IL1RAPL2: variants seen among roughly 807,000 people sequenced by gnomAD.
IL1RAPL2 encodes interleukin 1 receptor accessory protein like 2.
A neutral mutation model predicts 44.1 loss-of-function variants in IL1RAPL2; 3 were observed. The ratio of observed to expected loss-of-function variants is 0.07; its 90% CI spans 0.03 to 0.18. The LOEUF is 0.18. IL1RAPL2 is among the 10% of genes least tolerant of loss of function. The pLI is 1.00. For missense variants in IL1RAPL2, 391 were observed against 496.4 expected, an observed-to-expected ratio of 0.79 and a Z score of 2.02; for synonymous variants, 181 against 178.8, an observed-to-expected ratio of 1.01 and a Z score of -0.10.
At chrX:105,535,304 A>G (rs1483384725) in intron 6 of IL1RAPL2, among the ~76,000 whole-genome samples, 1 of 111,894 alleles carries the variant, frequency 8.9e-6, no homozygotes. Context: ...AACTGACAAT[A>G]CTGAGTGCTA....
intron 2 of IL1RAPL2, among the ~76,000 whole-genome samples, chrX:104,977,689 A>G (rs1165630099): frequency 8.9e-6 from 1 of 112,023 alleles, no homozygotes; most frequent in Non-Finnish European, 1.9e-5. Context: ...ATTCAAGGGC[A>G]AGCTGGTGGT....
chrX:105,029,615 T>A (rs2031445818), intron 2 of IL1RAPL2, among the ~76,000 whole-genome samples: 1 of 109,414 alleles, frequency 9.1e-6, no homozygotes, highest in Admixed American at 9.8e-5. Flanking sequence ...TATTCCATGG[T>A]GTATATATGC....
At chrX:105,053,322 C>T (rs1302190130) in intron 2 of IL1RAPL2, among the ~76,000 whole-genome samples, 1 of 111,320 alleles carries the variant, frequency 9.0e-6, no homozygotes, top group African/African-American at 3.3e-5. Flanking sequence ...TGTACAACCC[C>T]AAATTAATTG....
At chrX:104,874,279 C>CT (rs1922844945) in intron 2 of IL1RAPL2, among the ~76,000 whole-genome samples, 2 of 76,319 alleles carry the variant, frequency 2.6e-5, no homozygotes, top group African/African-American at 5.1e-5. Context: ...TGTCTGTATT[C>CT]CTCTCTCTCT....
At chrX:105,148,196 T>A (rs948062102) in intron 2 of IL1RAPL2, among the ~76,000 whole-genome samples, 4 of 111,159 alleles carry the variant, frequency 3.6e-5, no homozygotes, top group African/African-American at 1.3e-4. Flanking sequence ...AGGAAGCTAT[T>A]TTTTTTTCTC....
chrX:104,933,223 C>T (rs1044684949), intron 2 of IL1RAPL2, among the ~76,000 whole-genome samples: 2 of 111,063 alleles, frequency 1.8e-5, no homozygotes, highest in Non-Finnish European at 3.8e-5. Flanking sequence ...ACCTATGTAA[C>T]AAACCTGCAT....
chrX:105,495,896 C>T (rs748743899), intron 6 of IL1RAPL2, among the ~76,000 whole-genome samples: 1 of 111,663 alleles, frequency 9.0e-6, no homozygotes, highest in Admixed American at 9.5e-5. Context: ...CAGGCCATGA[C>T]AGGAAGGGAG....
At chrX:104,591,497 G>A (rs1347339659) in intron 1 of IL1RAPL2, among the ~76,000 whole-genome samples, 1 of 111,691 alleles carries the variant, frequency 9.0e-6, no homozygotes, top group Non-Finnish European at 1.9e-5. Flanking sequence ...TACTCACCAA[G>A]CAACACTGAA....
intron 1 of IL1RAPL2, among the ~76,000 whole-genome samples, chrX:104,595,765 C>T (rs955866425): frequency 8.9e-6 from 1 of 111,775 alleles, no homozygotes; most frequent in Non-Finnish European, 1.9e-5. Flanking sequence ...TTTATTTTCT[C>T]AAAGTTAGGT....
In IL1RAPL2 at chrX:105,717,419, T is replaced by C; in HGVS notation, c.825T>C (p.Ser275=). ...CATTCTTCGGATTCAGTGGAGAGTC[T>C]GGGCCAATGATCTACTGGATGAAAG... The part of the protein sequence containing the change: ...CKAFFGFSGE[S]GPMIYWMKGE... Residue 275 remains serine (S), a synonymous_variant, in exon 7 of 11, where the codon TCT becomes TCC. Coordinates refer to ENST00000372582, the MANE Select transcript of IL1RAPL2 (RefSeq NM_017416.2). 1 of 1,204,202 alleles carries C rather than the reference T, an allele frequency of 8.3e-7. No individual in the cohort carries two copies.
chrX:105,159,832 T>C (rs2033305054), intron 2 of IL1RAPL2, among the ~76,000 whole-genome samples: 1 of 111,606 alleles, frequency 9.0e-6, no homozygotes, highest in Non-Finnish European at 1.9e-5. Flanking sequence ...GAATAGGTGA[T>C]TATTTTGTCA....
intron 1 of IL1RAPL2, among the ~76,000 whole-genome samples, chrX:104,651,635 C>A (rs1406555946): frequency 9.0e-6 from 1 of 111,721 alleles, no homozygotes; most frequent in Non-Finnish European, 1.9e-5. Context: ...CTCCTAAAAT[C>A]TAACCAGTAT....
chrX:104,975,716 T>C (rs954306125), intron 2 of IL1RAPL2, among the ~76,000 whole-genome samples: 1 of 112,403 alleles, frequency 8.9e-6, no homozygotes, highest in Non-Finnish European at 1.9e-5. Flanking sequence ...AGATGTAGGT[T>C]TGCCTTTAGG....
chrX:104,610,053 G>A (rs1929114489), intron 1 of IL1RAPL2, among the ~76,000 whole-genome samples: 1 of 111,354 alleles, frequency 9.0e-6, no homozygotes, highest in Non-Finnish European at 1.9e-5. Flanking sequence ...TGTCCTTTGT[G>A]TTGATGTTGA....
At chrX:105,124,942 T>C (rs1035234506) in intron 2 of IL1RAPL2, among the ~76,000 whole-genome samples, 2 of 110,706 alleles carry the variant, frequency 1.8e-5, no homozygotes, top group African/African-American at 6.5e-5. Context: ...CCTCCTTTCT[T>C]TTCTTTCTTT....
At chrX:105,034,882 G>C (rs1275326093) in intron 2 of IL1RAPL2, among the ~76,000 whole-genome samples, 1 of 111,675 alleles carries the variant, frequency 9.0e-6, no homozygotes, top group Non-Finnish European at 1.9e-5. Context: ...AGCTGTGGTG[G>C]GCTCCACCCA....
chrX:105,024,658 A>G (rs1210815291), intron 2 of IL1RAPL2, among the ~76,000 whole-genome samples: 1 of 111,478 alleles, frequency 9.0e-6, no homozygotes, highest in Non-Finnish European at 1.9e-5. Flanking sequence ...TACTTCTCCA[A>G]TCAAAAGAGA....
intron 2 of IL1RAPL2, among the ~76,000 whole-genome samples, chrX:104,896,926 C>A (rs1397224861): frequency 9.0e-6 from 1 of 111,030 alleles, no homozygotes; most frequent in African/African-American, 3.3e-5. Context: ...ACACACCCTG[C>A]GAAAGTCTGC....
intron 2 of IL1RAPL2, among the ~76,000 whole-genome samples, chrX:105,190,967 A>C (rs1425452014): frequency 8.9e-6 from 1 of 111,881 alleles, no homozygotes; most frequent in Non-Finnish European, 1.9e-5. Flanking sequence ...GGCACTTTGC[A>C]GGGGACTGCA....
Sources: allele counts gnomAD v4.1 joint callset (sites outside exome capture counted in the v4.1 genomes callset), GRCh38; gene constraint gnomAD v4.1.1; transcripts MANE v1.5; gene names NCBI Gene and HGNC (gene_info 2026-07-23, HGNC 2026-07-21).